The following ADCY6 variants were observed in gnomAD, a reference collection of about 807,000 sequenced individuals.
ADCY6 encodes the protein adenylate cyclase 6, also known as adenylate cyclase type 6.
Under a neutral mutation model 111.6 loss-of-function variants are expected in ADCY6, and 59 were observed. That is an observed-to-expected ratio of 0.53 (90% CI 0.43 to 0.66). The LOEUF (loss-of-function observed/expected upper bound fraction) is 0.66, where lower values mean the gene tolerates loss of function less well. Among genes scored for constraint, ADCY6 ranks in the 30% least tolerant of loss-of-function variants. The pLI, the probability that ADCY6 is intolerant of heterozygous loss-of-function variation, is 0.00. For missense variants in ADCY6, 1,242 were observed against 1,595.6 expected (o/e 0.78, Z 3.78); for synonymous variants, 576 against 642.9 (o/e 0.90, Z 1.57).
chr12:48,776,268 C>G lies in ADCY6; in HGVS notation c.1618G>C (p.Ala540Pro). ...VEPGRGGERN[A>P]YLKEQHIETF... is the part of the protein sequence containing the mutation. Reference sequence around the variant, plus strand: ...TCAATGTGCTGCTCCTTGAGGTACGCGTTGCGCTCGCCACCACGGCCTGGC... The same window carrying G: ...TCAATGTGCTGCTCCTTGAGGTACGGGTTGCGCTCGCCACCACGGCCTGGC... The change falls in exon 8 of 22, where the codon GCG (alanine) becomes CCG (proline). Residue 540 changes from alanine to proline, a missense_variant. Physicochemically the swap from Ala to Pro is conservative, Grantham distance 27. This residue lies in a region of ADCY6 where 260 missense variants were observed against 414.6 expected (regional missense o/e 0.63). Transcript: ENST00000357869. The surrounding 1 kb of genome is among the most constrained non-coding windows in gnomAD (Gnocchi z 6.1). 1 of 1,614,258 alleles carries G rather than the reference C, an allele frequency of 6.2e-7. No individual in the cohort carries two copies. The highest frequency in any genetic ancestry group is 8.5e-7 in the Non-Finnish European group (1 of 1,180,056).
chr12:48,781,807 C>T lies in ADCY6; in HGVS notation c.864+764G>A, dbSNP rs554054410. 2.4e-4 allele frequency among the ~76,000 whole-genome samples: 36 copies of T among 152,320 alleles called. No individual in the cohort carries two copies. In the South Asian group the frequency reaches 6.8e-3, roughly 29 times the overall value. On this transcript the variant is annotated intron_variant, in intron 2 of 21. Coordinates refer to ENST00000357869, the MANE Select transcript of ADCY6 (RefSeq NM_015270.5). ...AGCCTACAGCCACTCCACACGGAGC[C>T]GTGGAGTCCCACCTCACACACACTT... is the stretch of plus-strand genomic sequence containing the variant.
Position 48,769,922 on chromosome 12 carries a change from C to T in ADCY6, c.3256+844G>A, listed in dbSNP as rs561785904. On this transcript the variant is annotated intron_variant, in intron 20 of 21. Transcript: ENST00000357869. Reference sequence around the variant, plus strand: ...GACTATAGGCGCCCACCACCACACCCGGCTAATTTTTTGTATTTTTAGTAG... The same window carrying T: ...GACTATAGGCGCCCACCACCACACCTGGCTAATTTTTTGTATTTTTAGTAG... Among the ~76,000 whole-genome samples, 100 of 152,006 alleles carry T rather than the reference C, an allele frequency of 6.6e-4. 1 individual carries two copies. Among genetic ancestry groups the T allele is most frequent in the African/African-American group, 2.0e-3 (84 of 41,460 alleles).
In ADCY6 at chr12:48,774,534, G is replaced by A. The variant is rs1941640829; in HGVS notation, c.2167-16C>T. 1 of 1,610,226 alleles carries A rather than the reference G, an allele frequency of 6.2e-7. No homozygotes were observed. Among genetic ancestry groups the A allele is most frequent in the Non-Finnish European group, 8.5e-7 (1 of 1,176,576 alleles). On this transcript the variant is annotated splice_polypyrimidine_tract_variant and intron_variant, in intron 13 of 21. Coordinates refer to ENST00000357869, the MANE Select transcript of ADCY6 (RefSeq NM_015270.5). ...TAGGGAACAGCTAGAGGCATCAAGA[G>A]ACCAAGAGTTGAAGGTTGTATCAGC...
chr12:48,788,253 T>G (rs1244704129), intron 1 of ADCY6, among the ~76,000 whole-genome samples: 2 of 152,052 alleles, frequency 1.3e-5, no homozygotes, highest in Non-Finnish European at 2.9e-5. Flanking sequence ...ACATCACCCT[T>G]TACTATGCAA....
intron 2 of ADCY6, among the ~76,000 whole-genome samples, chr12:48,779,063 G>A (rs1046925275): frequency 1.6e-4 from 24 of 151,484 alleles, no homozygotes; most frequent in African/African-American, 5.6e-4. Context: ...TATTTTTTTA[G>A]TAGAGACGGG....
At position 48,767,970 on chromosome 12, in the gene ADCY6, G is replaced by A. The variant is rs1321447446; in HGVS notation, c.*621C>T. 2 of 157,562 alleles carry A rather than the reference G, an allele frequency of 1.3e-5. No homozygotes were observed. Among genetic ancestry groups the A allele is most frequent in the African/African-American group, 4.8e-5 (2 of 41,462 alleles). 9.8% of individuals were successfully genotyped at this position (157,562 alleles called of 1,614,324 possible). On this transcript the variant is annotated 3_prime_UTR_variant, in exon 22 of 22. Coordinates refer to ENST00000357869, the MANE Select transcript of ADCY6 (RefSeq NM_015270.5). Reference sequence around the variant, plus strand: ...GTTCCCCTTTGGGGACAGATCATGGGACTAAGATTTGGCACATGGAAACAT... The same window carrying A: ...GTTCCCCTTTGGGGACAGATCATGGAACTAAGATTTGGCACATGGAAACAT...
chr12:48,769,440 A>T (rs1222684968), intron 20 of ADCY6, among the ~76,000 whole-genome samples: 2 of 151,298 alleles, frequency 1.3e-5, no homozygotes, highest in African/African-American at 4.8e-5. Context: ...AAAAACCCAA[A>T]AAACAAATAA....
intron 1 of ADCY6, among the ~76,000 whole-genome samples, chr12:48,786,119 G>A (rs1475228236): frequency 6.6e-6 from 1 of 152,164 alleles, no homozygotes; most frequent in Non-Finnish European, 1.5e-5. Context: ...TGAGCTAGCA[G>A]CACTGACATT....
At chr12:48,770,020 C>G (rs968491188) in intron 20 of ADCY6, among the ~76,000 whole-genome samples, 4 of 151,644 alleles carry the variant, frequency 2.6e-5, no homozygotes, top group South Asian at 2.1e-4. Flanking sequence ...CTCGGACTCC[C>G]AAAGTGCTGG....
rs1233797748 is a variant in ADCY6, at chr12:48,778,139, C to T, written c.983G>A (p.Arg328Gln). The T allele has an allele frequency of 6.8e-6, 11 of 1,613,092 alleles. No individual in the cohort carries two copies. Among genetic ancestry groups the T allele is most frequent in the Non-Finnish European group, 7.6e-6 (9 of 1,179,650 alleles). Residue 328 changes from arginine (R) to glutamine (Q), a missense_variant, in exon 3 of 22, where the codon CGG becomes CAG. This residue lies in a region of ADCY6 where 260 missense variants were observed against 414.6 expected (regional missense o/e 0.63). Transcript: ENST00000357869. Reference protein sequence around the residue: ...FQETRGYIQARLHLQHENRQQ... With the variant: ...FQETRGYIQAQLHLQHENRQQ... ...CCGATTCTCATGCTGCAGGTGGAGC[C>T]GGGCCTGGATGTAACCGCGGGTCTC...
At position 48,776,021 on chromosome 12, in the gene ADCY6, C is replaced by T. The variant is rs527725662; in HGVS notation, c.1748G>A (p.Arg583His). ...GGAGAAGGCACGATCAGGAACCCAG[C>T]GCGGCATCAGCCCTTCCATGGAGTT... ...RANSMEGLMP[R>H]WVPDRAFSRT... The change falls in exon 9 of 22, where the codon CGC becomes CAC. Residue 583 changes from arginine to histidine, a missense_variant. By Grantham distance (29) the Arg-to-His change is conservative (BLOSUM62 0). Coordinates refer to ENST00000357869, the MANE Select transcript of ADCY6 (RefSeq NM_015270.5). This position sits in a 1 kb window ranked among gnomAD's most constrained non-coding sequence, Gnocchi z 6.1. 62 of 1,612,724 alleles carry T rather than the reference C, an allele frequency of 3.8e-5. No individual in the cohort carries two copies. The South Asian group carries it at 6.2e-4, about 16-fold the overall frequency.
intron 1 of ADCY6, among the ~76,000 whole-genome samples, chr12:48,784,324 T>C (rs1292129796): frequency 2.2e-5 from 3 of 136,994 alleles, no homozygotes; most frequent in Admixed American, 7.5e-5. Flanking sequence ...GGAAATAAAA[T>C]AAAATAAAAT....
rs1223430685 is a variant in ADCY6 at position 48,774,391 on chromosome 12, T to G, written c.2283+11A>C. 2 of 1,605,410 alleles carry G rather than the reference T, an allele frequency of 1.2e-6. No individual in the cohort carries two copies. Among genetic ancestry groups the G allele is most frequent in the African/African-American group, 2.7e-5 (2 of 74,684 alleles). On this transcript the variant is annotated intron_variant, in intron 14 of 21. Coordinates refer to ENST00000357869, the MANE Select transcript of ADCY6 (RefSeq NM_015270.5). ...AGAGCAGAGGTGGGAGAATTCCCAC[T>G]GGACCCTTACCATGTTGGCAATGGC...
rs774103755 is a variant in ADCY6, at chr12:48,771,616, C to T, written c.3051+94G>A. 2 of 1,516,790 alleles carry T rather than the reference C, an allele frequency of 1.3e-6. No individual in the cohort carries two copies. The highest frequency in any genetic ancestry group is 4.5e-5 in the East Asian group (2 of 44,074). The allele number at this position is 1,516,790 out of a possible 1,614,324, so 94.0% of individuals were successfully genotyped here. On this transcript the variant is annotated intron_variant, in intron 19 of 21. Coordinates refer to ENST00000357869, the MANE Select transcript of ADCY6 (RefSeq NM_015270.5). This position sits in a 1 kb window ranked among gnomAD's most constrained non-coding sequence, Gnocchi z 4.3. ...CTGATGACTCTGGGTCCCATCAAATCTCTCTCTCTCTTCCCAGTTCCACTC... is the reference window on the plus strand; with the variant it reads ...CTGATGACTCTGGGTCCCATCAAATTTCTCTCTCTCTTCCCAGTTCCACTC...
At chr12:48,768,771 C>A in intron 21 of ADCY6, 55 bp from the exon 22 acceptor site, 1 of 1,593,818 alleles carries the variant, frequency 6.3e-7, no homozygotes, top group South Asian at 1.1e-5. Flanking sequence ...GCTGCATTTG[C>A]AGGGGCCCAG....
Position 48,777,980 on chromosome 12 carries a change from T to C in ADCY6, c.1014+128A>G. 1 of 1,363,472 alleles carries C rather than the reference T, an allele frequency of 7.3e-7. No homozygotes were observed. Among genetic ancestry groups the C allele is most frequent in the Non-Finnish European group, 9.9e-7 (1 of 1,005,782 alleles). 84.5% of individuals were successfully genotyped at this position (1,363,472 alleles called of 1,614,324 possible). A position where few individuals can be genotyped will look rare whatever the true frequency, so the allele number is the denominator to read the frequency against. ...GACAAAACCCCAGTATCACAGGGCC[T>C]CTGTGACGCACAACCCAGGGGAACC... On this transcript the variant is annotated intron_variant, in intron 3 of 21. Coordinates refer to ENST00000357869, the MANE Select transcript of ADCY6 (RefSeq NM_015270.5). This position sits in a 1 kb window ranked among gnomAD's most constrained non-coding sequence, Gnocchi z 4.9.
At chr12:48,775,748 A>T in intron 9 of ADCY6, 50 bp from the exon 10 acceptor site, 1 of 1,594,254 alleles carries the variant, frequency 6.3e-7, no homozygotes, top group Non-Finnish European at 8.6e-7. Context: ...AACAACCTTC[A>T]TCTCTGCAGC....
At chr12:48,778,513 C>T (rs1941765112) in intron 2 of ADCY6, 1 of 486,416 alleles carries the variant, frequency 2.1e-6, no homozygotes, top group Non-Finnish European at 3.7e-6. Flanking sequence ...AGAAGACCAA[C>T]TAGGGCCAGA....
Position 48,776,659 on chromosome 12 carries a change from T to C in ADCY6, c.1377-73A>G. The C allele has an allele frequency of 1.3e-6, 2 of 1,529,678 alleles. No homozygotes were observed. Among genetic ancestry groups the C allele is most frequent in the Non-Finnish European group, 1.8e-6 (2 of 1,139,950 alleles). 94.8% of individuals were successfully genotyped at this position (1,529,678 alleles called of 1,614,324 possible). A position where few individuals can be genotyped will look rare whatever the true frequency, so the allele number is the denominator to read the frequency against. ...CCAGCCCACAACCCAGGCCCTTCAC[T>C]CCTCTCAGGGCCCAGCGGGCAAGGA... On this transcript the variant is annotated intron_variant, in intron 6 of 21. Coordinates refer to ENST00000357869, the MANE Select transcript of ADCY6 (RefSeq NM_015270.5). The surrounding 1 kb of genome is among the most constrained non-coding windows in gnomAD (Gnocchi z 6.1).
Sources: allele counts gnomAD v4.1 joint callset (sites outside exome capture counted in the v4.1 genomes callset), GRCh38; gene constraint gnomAD v4.1.1; regional missense constraint gnomAD v4.1.1; non-coding constraint Gnocchi (gnomAD v3.1); transcripts MANE v1.5; gene names NCBI Gene and HGNC (gene_info 2026-07-23, HGNC 2026-07-21).